Variants in HBS1L observed in about 807,000 individuals in gnomAD.
HBS1L encodes the protein HBS1 like translational GTPase.
A neutral mutation model predicts 88.9 loss-of-function variants in HBS1L; 55 were observed. The observed-to-expected ratio is 0.62, with a 90% CI of 0.50 to 0.77. HBS1L has a LOEUF of 0.77. HBS1L is among the 30% of genes least tolerant of loss of function. HBS1L has a pLI of 0.00. For missense variants in HBS1L, 741 were observed against 829.3 expected (o/e 0.89, Z 1.31); for synonymous variants, 267 against 288.5 (o/e 0.93, Z 0.76).
rs1010312521 is a variant in HBS1L, at chr6:135,027,213, A to G, written c.430+12360T>C. ...AAAAAAAAAAAAAAAAAAAAAAAAA[A>G]AAAGAAAAGAAAAAATAGCTAACAG... On this transcript the variant is annotated intron_variant, in intron 4 of 17. Coordinates refer to ENST00000367837, the MANE Select transcript of HBS1L (RefSeq NM_006620.4). 5.9e-4 allele frequency: 81 copies of G among 136,804 alleles called. 2 individuals carry two copies. The highest frequency in any genetic ancestry group is 2.5e-3 in the African/African-American group (80 of 31,528). 8.5% of individuals were successfully genotyped at this position (136,804 alleles called of 1,614,324 possible).
At chr6:134,994,972 T>TG (rs1775250874) in intron 7 of HBS1L, among the ~76,000 whole-genome samples, 3 of 152,274 alleles carry the variant, frequency 2.0e-5, no homozygotes, top group African/African-American at 7.2e-5. Context: ...ACTATAGGTT[T>TG]GCCCTAGCAA....
intron 15 of HBS1L, among the ~76,000 whole-genome samples, chr6:134,971,482 T>C (rs776908410): frequency 2.0e-5 from 3 of 152,142 alleles, no homozygotes; most frequent in Non-Finnish European, 2.9e-5. Context: ...CTAATTAAGT[T>C]CTTCTACCCT....
intron 14 of HBS1L, 22 bp downstream of exon 14, chr6:134,979,156 T>G: frequency 6.4e-7 from 1 of 1,572,878 alleles, no homozygotes; most frequent in Non-Finnish European, 8.7e-7. Context: ...CAACGGTTGC[T>G]TAAACTCATT....
intron 4 of HBS1L, chr6:135,036,767 C>T: frequency 6.4e-7 from 1 of 1,551,416 alleles, no homozygotes; most frequent in Non-Finnish European, 8.7e-7. Flanking sequence ...AGTGTTGAGG[C>T]AAAAGCTGAA....
chr6:135,008,784 A>G (rs1343969992), intron 4 of HBS1L, among the ~76,000 whole-genome samples: 2 of 151,882 alleles, frequency 1.3e-5, no homozygotes, highest in South Asian at 2.1e-4. Context: ...CTTTAAGCAC[A>G]CTCATTATCA....
intron 4 of HBS1L, among the ~76,000 whole-genome samples, chr6:135,004,753 T>G (rs1480804231): frequency 6.6e-6 from 1 of 152,104 alleles, no homozygotes; most frequent in Non-Finnish European, 1.5e-5. Flanking sequence ...GACCCAATAT[T>G]TCAGAGTTCC....
rs140757731 is a variant in HBS1L at position 134,968,564 on chromosome 6, T to A, written c.1898+674A>T. Among the ~76,000 whole-genome samples the A allele has an allele frequency of 6.0e-3, 908 of 152,282 alleles. 5 individuals are homozygous for A. The highest frequency in any genetic ancestry group is 0.02 in the African/African-American group (837 of 41,578). ...GTGCCTGGCCAAGAAATCTATTTTGTAACATTCATCTCTAGTCCTGTATTT... is the reference window on the plus strand; with the variant it reads ...GTGCCTGGCCAAGAAATCTATTTTGAAACATTCATCTCTAGTCCTGTATTT... On this transcript the variant is annotated intron_variant, in intron 16 of 17. Transcript: ENST00000367837.
chr6:134,992,670 G>A (rs994406201), intron 8 of HBS1L, among the ~76,000 whole-genome samples: 5 of 151,822 alleles, frequency 3.3e-5, no homozygotes, highest in African/African-American at 1.2e-4. Flanking sequence ...AAATATTTTC[G>A]TACAGCTGTA....
At chr6:135,014,119 C>A (rs2114841155) in intron 4 of HBS1L, among the ~76,000 whole-genome samples, 1 of 152,214 alleles carries the variant, frequency 6.6e-6, no homozygotes, top group East Asian at 1.9e-4. Context: ...AAAGGACAGT[C>A]CTCAGATTTT....
intron 7 of HBS1L, among the ~76,000 whole-genome samples, chr6:134,996,224 A>G (rs1775284974): frequency 1.3e-5 from 2 of 152,218 alleles, no homozygotes; most frequent in South Asian, 2.1e-4. Flanking sequence ...TTGGCCAGAC[A>G]GTAACAGAGA....
intron 1 of HBS1L, among the ~76,000 whole-genome samples, 198 bp from the exon 2 acceptor site, chr6:135,050,845 C>A (rs751963566): frequency 5.3e-5 from 8 of 152,198 alleles, no homozygotes; most frequent in Non-Finnish European, 1.2e-4. Context: ...TTTATAAAGA[C>A]ATACACAGTT....
chr6:134,998,288 G>A (rs1022468983), intron 5 of HBS1L, among the ~76,000 whole-genome samples: 2 of 152,210 alleles, frequency 1.3e-5, no homozygotes, highest in African/African-American at 4.8e-5. Context: ...TTACAATCTA[G>A]TGAGGAACTC....
intron 2 of HBS1L, among the ~76,000 whole-genome samples, chr6:135,048,340 G>A (rs1186376647): frequency 3.3e-5 from 5 of 152,044 alleles, no homozygotes; most frequent in African/African-American, 4.8e-5. Context: ...CAGACAACAC[G>A]ACCAGCCAGT....
chr6:135,027,219 A>T (rs2114870854), intron 4 of HBS1L: 1 of 139,040 alleles, frequency 7.2e-6, no homozygotes, highest in South Asian at 2.1e-4. Flanking sequence ...AAAAAAAAGA[A>T]AAGAAAAAAT....
chr6:135,026,722 T>C (rs1384778584), intron 4 of HBS1L: 1 of 152,012 alleles, frequency 6.6e-6, no homozygotes, highest in Admixed American at 6.6e-5. Flanking sequence ...ATTGAAAAAC[T>C]AGTAAAAACG....
At chr6:135,036,705 AT>A (rs1407358007) in intron 4 of HBS1L, 2 of 1,551,352 alleles carry the variant, frequency 1.3e-6, no homozygotes, top group African/African-American at 2.7e-5. Context: ...GAAAAGTCTT[AT>A]AGAGGTCAAG....
chr6:134,986,675 C>T, intron 10 of HBS1L, 61 bp downstream of exon 10: 1 of 783,168 alleles, frequency 1.3e-6, no homozygotes, highest in Non-Finnish European at 2.0e-6. Context: ...TTAGTTTTTC[C>T]TCTCATACCA....
intron 7 of HBS1L, among the ~76,000 whole-genome samples, chr6:134,995,455 G>A (rs1326266298): frequency 3.3e-5 from 5 of 151,742 alleles, no homozygotes; most frequent in South Asian, 2.1e-4. Flanking sequence ...GCAGCAAAAC[G>A]CAGCAGCAAA....
chr6:135,019,394 A>G (rs1776010701), intron 4 of HBS1L, among the ~76,000 whole-genome samples: 13 of 151,992 alleles, frequency 8.6e-5, no homozygotes, highest in Admixed American at 8.5e-4. Context: ...AAGGAAAAAA[A>G]GGTTTATAAG....
Sources: gnomAD v4.1 joint callset for allele counts (sites outside exome capture counted in the v4.1 genomes callset) on GRCh38, gnomAD v4.1.1 for gene constraint, MANE v1.5 for transcripts, NCBI Gene and HGNC (gene_info 2026-07-23, HGNC 2026-07-21) for gene names.